CCDC7: variants seen among roughly 807,000 people sequenced by gnomAD.
The protein encoded by CCDC7 is coiled-coil domain containing 7, also known as coiled-coil domain-containing protein 7.
Under a neutral mutation model 196.9 loss-of-function variants are expected in CCDC7, and 183 were observed. The observed-to-expected ratio is 0.93, with a 90% CI of 0.82 to 1.05. The LOEUF (loss-of-function observed/expected upper bound fraction) is 1.05. CCDC7 is among the 50% of genes least tolerant of loss of function. The pLI is 0.00. For synonymous variants in CCDC7, 525 were observed against 484.6 expected (o/e 1.08, Z -1.10); for missense variants, 1,540 against 1,482.2 (o/e 1.04, Z -0.64).
intron 9 of CCDC7, among the ~76,000 whole-genome samples, chr10:32,507,140 G>A (rs564854011): frequency 4.0e-5 from 6 of 151,702 alleles, no homozygotes; most frequent in East Asian, 2.0e-4. Context: ...CTACAAGTGC[G>A]CGCCACCACA....
intron 21 of CCDC7, among the ~76,000 whole-genome samples, chr10:32,680,157 G>T (rs564256823): frequency 2.0e-5 from 3 of 152,176 alleles, no homozygotes; most frequent in African/African-American, 7.2e-5. Context: ...GAAGGCAGTT[G>T]TTTCTTTTTT....
intron 11 of CCDC7, among the ~76,000 whole-genome samples, chr10:32,538,955 T>A (rs1224040099): frequency 6.6e-6 from 1 of 152,214 alleles, no homozygotes; most frequent in African/African-American, 2.4e-5. Context: ...CTTTATTTGT[T>A]GTGTCTCTGC....
chr10:32,579,868 G>A (rs1391105846), intron 16 of CCDC7, among the ~76,000 whole-genome samples: 5 of 151,990 alleles, frequency 3.3e-5, no homozygotes, highest in African/African-American at 1.2e-4. Context: ...GGCTTCCAAT[G>A]GGGTTATTTC....
intron 32 of CCDC7, among the ~76,000 whole-genome samples, chr10:32,827,468 T>A (rs2091296677): frequency 1.3e-5 from 2 of 152,148 alleles, no homozygotes; most frequent in African/African-American, 4.8e-5. Context: ...CTGCCAAGAC[T>A]ACCATCCGTG....
intron 16 of CCDC7, among the ~76,000 whole-genome samples, chr10:32,575,866 C>T (rs144700225): frequency 0.013 from 1,906 of 152,202 alleles, 21 homozygotes; most frequent in Non-Finnish European, 0.019. Flanking sequence ...TACCAATTTC[C>T]TTAGTATTGT....
At chr10:32,719,960 G>A (rs908766091) in intron 25 of CCDC7, among the ~76,000 whole-genome samples, 1 of 152,106 alleles carries the variant, frequency 6.6e-6, no homozygotes, top group East Asian at 1.9e-4. Flanking sequence ...AGACAGTGTG[G>A]CAATTCCTCA....
At chr10:32,657,069 G>C (rs1379087428) in intron 20 of CCDC7, among the ~76,000 whole-genome samples, 2 of 152,250 alleles carry the variant, frequency 1.3e-5, no homozygotes, top group African/African-American at 4.8e-5. Flanking sequence ...ACTGGTGCAA[G>C]AGGTGGGCTT....
At chr10:32,745,950 A>C (rs1274750116) in intron 28 of CCDC7, among the ~76,000 whole-genome samples, 1 of 152,232 alleles carries the variant, frequency 6.6e-6, no homozygotes, top group Non-Finnish European at 1.5e-5. Flanking sequence ...ATACCTAAGT[A>C]TTCAATTTTG....
At chr10:32,666,007 A>AGC (rs1346451308) in intron 21 of CCDC7, among the ~76,000 whole-genome samples, 1 of 151,914 alleles carries the variant, frequency 6.6e-6, no homozygotes, top group African/African-American at 2.4e-5. Flanking sequence ...GTTCATTGTT[A>AGC]GAGTATAGGA....
intron 41 of CCDC7, among the ~76,000 whole-genome samples, chr10:32,856,217 A>G (rs540820285): frequency 6.6e-6 from 1 of 152,330 alleles, no homozygotes; most frequent in African/African-American, 2.4e-5. Context: ...GACATGTTAG[A>G]ATTTATCAAA....
exon 17 of CCDC7, chr10:32,583,104 G>T: frequency 8.1e-7 from 1 of 1,231,234 alleles, no homozygotes; most frequent in Non-Finnish European, 1.0e-6. Context: ...AGATGAATCA[G>T]CATTTTTAGA....
intron 28 of CCDC7, among the ~76,000 whole-genome samples, chr10:32,763,533 C>T (rs1047360820): frequency 2.0e-5 from 3 of 151,902 alleles, no homozygotes; most frequent in African/African-American, 7.2e-5. Flanking sequence ...TCTGCATCCC[C>T]GTGTCCATGT....
At chr10:32,847,702 A>C (rs2093364076) in intron 37 of CCDC7, 131 bp from the exon 39 acceptor site, 1 of 595,932 alleles carries the variant, frequency 1.7e-6, no homozygotes, top group Non-Finnish European at 2.9e-6. Context: ...GTGACAGAAC[A>C]AGATCCTGTC....
At chr10:32,485,596 A>G (rs1408959662) in intron 8 of CCDC7, among the ~76,000 whole-genome samples, 14 of 152,114 alleles carry the variant, frequency 9.2e-5, no homozygotes, top group Admixed American at 9.2e-4. Context: ...TAGGGTGTCC[A>G]TTTTAGAGAT....
intron 3 of CCDC7, among the ~76,000 whole-genome samples, chr10:32,461,212 GA>G (rs1159096420): frequency 5.3e-5 from 8 of 152,044 alleles, no homozygotes; most frequent in Non-Finnish European, 7.4e-5. Context: ...ATCATAAGTT[GA>G]ATTTTTCATA....
chr10:32,879,904 A>G (rs1264075616), downstream of CCDC7, among the ~76,000 whole-genome samples: 1 of 152,032 alleles, frequency 6.6e-6, no homozygotes, highest in Non-Finnish European at 1.5e-5. Flanking sequence ...TTATGGCTAC[A>G]TAGTATTCCA....
At chr10:32,569,269 G>A (rs1282305872) in intron 15 of CCDC7, among the ~76,000 whole-genome samples, 1 of 152,162 alleles carries the variant, frequency 6.6e-6, no homozygotes, top group Non-Finnish European at 1.5e-5. Flanking sequence ...CATTATTGGA[G>A]ATTTTGATGT....
chr10:32,863,179 C>A (rs566461742), intron 41 of CCDC7, among the ~76,000 whole-genome samples: 2 of 151,310 alleles, frequency 1.3e-5, no homozygotes, highest in African/African-American at 4.8e-5. Context: ...ACAAAAAAAA[C>A]CATGAATAGA....
intron 13 of CCDC7, among the ~76,000 whole-genome samples, chr10:32,544,671 AT>A: frequency 1.3e-5 from 2 of 152,224 alleles, no homozygotes; most frequent in Middle Eastern, 6.8e-3. Context: ...TGAATTTCAA[AT>A]TTTTCAAAAT....
Sources: allele counts gnomAD v4.1 joint callset (sites outside exome capture counted in the v4.1 genomes callset), GRCh38; gene constraint gnomAD v4.1.1; transcripts MANE v1.5; gene names NCBI Gene and HGNC (gene_info 2026-07-23, HGNC 2026-07-21).